The following CDYL2 variants were observed in gnomAD, a reference collection of about 807,000 sequenced individuals.
CDYL2 encodes chromodomain Y like 2, also known as chromodomain Y-like protein 2.
In CDYL2, 23 loss-of-function variants were observed where a neutral mutation model predicts 49.4. The ratio of observed to expected loss-of-function variants is 0.47; its 90% CI spans 0.34 to 0.66. The LOEUF is 0.66. Ranked by LOEUF, CDYL2 falls within the 30% of genes least tolerant of loss-of-function variation. The pLI is 0.01. For synonymous variants in CDYL2, 360 were observed against 268.8 expected, an observed-to-expected ratio of 1.34 and a Z score of -3.32; for missense variants, 678 against 656.4, an observed-to-expected ratio of 1.03 and a Z score of -0.36.
intron 2 of CDYL2, among the ~76,000 whole-genome samples, chr16:80,635,522 A>C (rs59946023): frequency 0.22 from 33,907 of 152,082 alleles, 5,224 homozygotes; most frequent in African/African-American, 0.4. Flanking sequence ...TGAAGGACCT[A>C]TTCAAGAAGA....
intron 1 of CDYL2, among the ~76,000 whole-genome samples, chr16:80,697,195 T>A (rs1454477058): frequency 6.6e-6 from 1 of 152,054 alleles, no homozygotes; most frequent in African/African-American, 2.4e-5. Context: ...AGCAAACTAA[T>A]CCAACAACAC....
At chr16:80,725,203 C>T (rs3114389) in intron 1 of CDYL2, among the ~76,000 whole-genome samples, 2 of 138,686 alleles carry the variant, frequency 1.4e-5, no homozygotes, top group Admixed American at 6.9e-5. Flanking sequence ...CACATACACA[C>T]ACACATACAC....
intron 1 of CDYL2, among the ~76,000 whole-genome samples, chr16:80,712,802 C>T (rs114730748): frequency 6.6e-6 from 1 of 152,178 alleles, no homozygotes; most frequent in Admixed American, 6.5e-5. Flanking sequence ...AAGATATCTG[C>T]TTCCTTTCAT....
chr16:80,600,892 T>C lies in CDYL2; in HGVS notation c.*3496A>G, dbSNP rs1906052763. ...TGGATATTCAGAGATACAGTTGCAT[T>C]GTTCAAAGTCTACTGTGATTATTAT... On this transcript the variant is annotated 3_prime_UTR_variant, in exon 7 of 7. Coordinates refer to ENST00000570137, the MANE Select transcript of CDYL2 (RefSeq NM_152342.4). 6.6e-6 allele frequency: 1 copy of C among 152,232 alleles called. No homozygotes were observed. Among genetic ancestry groups the C allele is most frequent in the Non-Finnish European group, 1.5e-5 (1 of 68,042 alleles). The allele number at this position is 152,232 out of a possible 1,614,324, so 9.4% of individuals were successfully genotyped here. A position where few individuals can be genotyped will look rare whatever the true frequency, so the allele number is the denominator to read the frequency against.
intron 2 of CDYL2, among the ~76,000 whole-genome samples, chr16:80,649,656 A>G (rs1908500908): frequency 6.6e-6 from 1 of 152,232 alleles, no homozygotes; most frequent in Non-Finnish European, 1.5e-5. Context: ...CAGAATAGCC[A>G]ATGCTATCCT....
chr16:80,691,307 T>C (rs1401886564), intron 1 of CDYL2, among the ~76,000 whole-genome samples: 1 of 152,180 alleles, frequency 6.6e-6, no homozygotes, highest in Non-Finnish European at 1.5e-5. Context: ...AGAGGGCAAG[T>C]TCTGGGAACA....
At chr16:80,769,987 G>T (rs980877102) in intron 1 of CDYL2, among the ~76,000 whole-genome samples, 5 of 152,118 alleles carry the variant, frequency 3.3e-5, no homozygotes, top group African/African-American at 1.2e-4. Context: ...ATATTAGAAA[G>T]TGTCAGGTTT....
intron 1 of CDYL2, among the ~76,000 whole-genome samples, chr16:80,801,428 C>G (rs1907923409): frequency 6.6e-6 from 1 of 152,220 alleles, no homozygotes; most frequent in Non-Finnish European, 1.5e-5. Context: ...GAGGTTCACT[C>G]TTTACAACTT....
At chr16:80,661,910 G>A (rs915489467) in intron 2 of CDYL2, among the ~76,000 whole-genome samples, 2 of 152,124 alleles carry the variant, frequency 1.3e-5, no homozygotes, top group Non-Finnish European at 2.9e-5. Context: ...AGAGGACACC[G>A]CATGCTTAAC....
chr16:80,609,082 T>C (rs1221648332), intron 5 of CDYL2, among the ~76,000 whole-genome samples: 1 of 151,994 alleles, frequency 6.6e-6, no homozygotes, highest in East Asian at 1.9e-4. Context: ...TTCCCTGGGG[T>C]CTGGTGACCT....
chr16:80,653,413 C>T (rs930820339), intron 2 of CDYL2, among the ~76,000 whole-genome samples: 2 of 151,940 alleles, frequency 1.3e-5, no homozygotes, highest in South Asian at 2.1e-4. Flanking sequence ...TGCAGTAAGC[C>T]GAGATCGCAC....
At chr16:80,621,753 A>G (rs996973358) in intron 3 of CDYL2, among the ~76,000 whole-genome samples, 3 of 152,200 alleles carry the variant, frequency 2.0e-5, no homozygotes, top group African/African-American at 7.2e-5. Flanking sequence ...CCCTGCCATC[A>G]TGGGACAAGT....
In CDYL2 at chr16:80,612,437, T is replaced by C. The variant is rs57506441; in HGVS notation, c.1218+189A>G. Among the ~76,000 whole-genome samples, 1,925 of 152,286 alleles carry C rather than the reference T, an allele frequency of 0.013. 37 individuals carry two copies. Among genetic ancestry groups the C allele is most frequent in the African/African-American group, 0.044 (1,833 of 41,554 alleles). On this transcript the variant is annotated intron_variant, in intron 5 of 6. Coordinates refer to ENST00000570137, the MANE Select transcript of CDYL2 (RefSeq NM_152342.4). The surrounding 1 kb of genome is among the most constrained non-coding windows in gnomAD (Gnocchi z 5.0). ...CATGCAGAGTGCATGGTCCATACAC[T>C]GACATCATCGCCATCTTCTCAGGCC... is the stretch of plus-strand genomic sequence containing the variant.
At chr16:80,700,990 C>T (rs548739236) in intron 1 of CDYL2, among the ~76,000 whole-genome samples, 83 of 152,282 alleles carry the variant, frequency 5.5e-4, no homozygotes, top group African/African-American at 2.0e-3. Flanking sequence ...AGGGACTCGG[C>T]GGGCAGAAGA....
intron 1 of CDYL2, among the ~76,000 whole-genome samples, chr16:80,712,191 G>GTGTGTATATATATATATA (rs1555532109): frequency 1.9e-5 from 2 of 107,934 alleles, no homozygotes. Context: ...GTCTGTGTGT[G>GTGTGTATATATATATATA]TATATATATA....
chr16:80,649,654 C>T (rs1260352833), intron 2 of CDYL2, among the ~76,000 whole-genome samples: 2 of 152,096 alleles, frequency 1.3e-5, no homozygotes, highest in Non-Finnish European at 2.9e-5. Flanking sequence ...CCCAGAATAG[C>T]CAATGCTATC....
At chr16:80,782,500 A>G (rs1336501105) in intron 1 of CDYL2, among the ~76,000 whole-genome samples, 1 of 150,538 alleles carries the variant, frequency 6.6e-6, no homozygotes, top group African/African-American at 2.4e-5. Flanking sequence ...GGCCAGCACT[A>G]AACTGATCCC....
intron 1 of CDYL2, among the ~76,000 whole-genome samples, chr16:80,714,042 A>G (rs1271154597): frequency 6.6e-6 from 1 of 152,210 alleles, no homozygotes; most frequent in African/African-American, 2.4e-5. Context: ...CACGTTGCCT[A>G]TCTAAATTCC....
intron 4 of CDYL2, 39 bp downstream of exon 4, chr16:80,620,724 C>A: frequency 6.6e-7 from 1 of 1,512,160 alleles, no homozygotes; most frequent in Non-Finnish European, 8.9e-7. Flanking sequence ...GGTAATCCTA[C>A]GCAGGACCCC....
Sources: gnomAD v4.1 joint callset for allele counts (sites outside exome capture counted in the v4.1 genomes callset) on GRCh38, gnomAD v4.1.1 for gene constraint, Gnocchi (gnomAD v3.1) non-coding constraint, MANE v1.5 for transcripts, NCBI Gene and HGNC (gene_info 2026-07-23, HGNC 2026-07-21) for gene names.